The following PDE4D variants were observed in gnomAD, a reference collection of about 807,000 sequenced individuals.
PDE4D encodes the protein 3',5'-cyclic-AMP phosphodiesterase 4D.
In PDE4D, 24 loss-of-function variants were observed where a neutral mutation model predicts 87.4. The ratio of observed to expected loss-of-function variants is 0.27; its 90% CI spans 0.20 to 0.39. The LOEUF (loss-of-function observed/expected upper bound fraction) is 0.39, where lower values mean the gene tolerates loss of function less well. Among genes scored for constraint, PDE4D ranks in the 10% least tolerant of loss-of-function variants. PDE4D has a pLI of 1.00. For missense variants in PDE4D, 714 were observed against 1,041.0 expected, an observed-to-expected ratio of 0.69 and a Z score of 4.32; for synonymous variants, 384 against 383.2, an observed-to-expected ratio of 1.00 and a Z score of -0.02.
At chr5:60,161,094 T>C (rs1390200223) in intron 2 of PDE4D, among the ~76,000 whole-genome samples, 2 of 152,116 alleles carry the variant, frequency 1.3e-5, no homozygotes, top group Non-Finnish European at 2.9e-5. Flanking sequence ...AAGGAAATAG[T>C]TAAGTACCCC....
chr5:59,114,171 A>AT (rs35182359), intron 5 of PDE4D, among the ~76,000 whole-genome samples: 101 of 151,028 alleles, frequency 6.7e-4, no homozygotes, highest in African/African-American at 2.0e-3. Context: ...ATGCAGAAAA[A>AT]TTTTTTTTTT....
intron 1 of PDE4D, among the ~76,000 whole-genome samples, chr5:59,800,033 T>A (rs540700956): frequency 3.9e-5 from 6 of 152,210 alleles, no homozygotes; most frequent in African/African-American, 1.2e-4. Flanking sequence ...AAAAGACTAT[T>A]ATGGGGAGAA....
intron 1 of PDE4D, among the ~76,000 whole-genome samples, chr5:59,667,646 C>T (rs966711223): frequency 3.3e-5 from 5 of 151,982 alleles, no homozygotes; most frequent in African/African-American, 1.2e-4. Flanking sequence ...AGATGTCTCA[C>T]TCTTTTTCAA....
intron 6 of PDE4D, among the ~76,000 whole-genome samples, chr5:59,004,660 GTAGT>G: frequency 6.6e-6 from 1 of 152,368 alleles, no homozygotes; most frequent in South Asian, 2.1e-4. Flanking sequence ...TACGTAAAAA[GTAGT>G]TGGGTTCTAG....
At chr5:59,869,041 C>A (rs1307627007) in intron 1 of PDE4D, among the ~76,000 whole-genome samples, 1 of 152,122 alleles carries the variant, frequency 6.6e-6, no homozygotes, top group Non-Finnish European at 1.5e-5. Flanking sequence ...TTATTGAATT[C>A]ACTTTATGTT....
chr5:59,036,279 T>C (rs1758481347), intron 6 of PDE4D, among the ~76,000 whole-genome samples: 1 of 152,186 alleles, frequency 6.6e-6, no homozygotes, highest in South Asian at 2.1e-4. Flanking sequence ...TTAGAGTAAA[T>C]TTTTTAAAAC....
At chr5:60,248,669 G>C (rs1230269403) in intron 1 of PDE4D, among the ~76,000 whole-genome samples, 2 of 151,994 alleles carry the variant, frequency 1.3e-5, no homozygotes. Flanking sequence ...TTTTTAAAAA[G>C]TATATTTGTC....
intron 1 of PDE4D, among the ~76,000 whole-genome samples, chr5:60,427,561 C>G (rs936649794): frequency 1.3e-5 from 2 of 152,068 alleles, no homozygotes; most frequent in East Asian, 3.8e-4. Context: ...ATAAGAAATA[C>G]AAAAAGTTGA....
chr5:59,793,385 G>C (rs1405130846), intron 1 of PDE4D, among the ~76,000 whole-genome samples: 1 of 152,204 alleles, frequency 6.6e-6, no homozygotes, highest in Non-Finnish European at 1.5e-5. Flanking sequence ...TAATTGTTTA[G>C]TTAATAAATG....
At chr5:60,230,435 T>A (rs192677620) in intron 1 of PDE4D, among the ~76,000 whole-genome samples, 2 of 152,218 alleles carry the variant, frequency 1.3e-5, no homozygotes, top group African/African-American at 2.4e-5. Context: ...TTATTCTAGT[T>A]GGATTTTTCA....
At chr5:59,532,994 T>C (rs957920357) in intron 1 of PDE4D, among the ~76,000 whole-genome samples, 1 of 152,338 alleles carries the variant, frequency 6.6e-6, no homozygotes, top group South Asian at 2.1e-4. Context: ...CAGCTACATG[T>C]TATTAAAACA....
intron 5 of PDE4D, among the ~76,000 whole-genome samples, chr5:59,125,684 T>C (rs1260146602): frequency 6.6e-6 from 1 of 152,130 alleles, no homozygotes; most frequent in Non-Finnish European, 1.5e-5. Flanking sequence ...GGAAATGATC[T>C]GGACAGAGAG....
chr5:60,404,689 A>C (rs1410283730), intron 1 of PDE4D, among the ~76,000 whole-genome samples: 1 of 152,260 alleles, frequency 6.6e-6, no homozygotes, highest in Non-Finnish European at 1.5e-5. Context: ...TAGTTACAGA[A>C]GAATTGACAA....
At chr5:59,662,443 GTTGT>G (rs896800537) in intron 1 of PDE4D, among the ~76,000 whole-genome samples, 34 of 152,278 alleles carry the variant, frequency 2.2e-4, no homozygotes, top group African/African-American at 8.2e-4. Context: ...CTGAATATCT[GTTGT>G]TTGTCAAAAC....
intron 1 of PDE4D, among the ~76,000 whole-genome samples, chr5:59,705,521 G>A (rs1180181248): frequency 6.6e-6 from 1 of 152,110 alleles, no homozygotes; most frequent in African/African-American, 2.4e-5. Flanking sequence ...TTTGAAAAGA[G>A]AAACCATGAC....
intron 1 of PDE4D, among the ~76,000 whole-genome samples, chr5:60,495,781 A>G (rs1360490676): frequency 1.3e-5 from 2 of 152,228 alleles, no homozygotes. Context: ...AAATCTCTTG[A>G]GCCCTAATTA....
At chr5:59,156,329 A>ATGTGTGTG (rs1393762751) in intron 5 of PDE4D, among the ~76,000 whole-genome samples, 2 of 133,508 alleles carry the variant, frequency 1.5e-5, no homozygotes, top group Admixed American at 7.2e-5. Context: ...AAATATATAT[A>ATGTGTGTG]TATGTGTGTG....
chr5:60,318,849 G>A (rs1755908357), intron 1 of PDE4D, among the ~76,000 whole-genome samples: 2 of 152,166 alleles, frequency 1.3e-5, no homozygotes, highest in South Asian at 4.2e-4. Context: ...TCTGCCAAGA[G>A]ATCTGCTGTT....
chr5:59,152,401 C>T (rs1779596401), intron 5 of PDE4D, among the ~76,000 whole-genome samples: 1 of 152,128 alleles, frequency 6.6e-6, no homozygotes, highest in African/African-American at 2.4e-5. Flanking sequence ...ATCAAGATTT[C>T]TATGCCTACT....
Sources: gnomAD v4.1 joint callset for allele counts (sites outside exome capture counted in the v4.1 genomes callset) on GRCh38, gnomAD v4.1.1 for gene constraint, MANE v1.5 for transcripts, NCBI Gene and HGNC (gene_info 2026-07-23, HGNC 2026-07-21) for gene names.